The following ECE1 variants were observed in gnomAD, a reference collection of about 807,000 sequenced individuals.
ECE1 encodes endothelin converting enzyme 1.
A neutral mutation model predicts 98.6 loss-of-function variants in ECE1; 35 were observed. That is an observed-to-expected ratio of 0.35 (90% confidence interval 0.27 to 0.47). ECE1 has a LOEUF of 0.47. Ranked by LOEUF, ECE1 falls within the 20% of genes least tolerant of loss-of-function variation. The pLI is 1.00. For missense variants in ECE1, 814 were observed against 1,025.3 expected, an observed-to-expected ratio of 0.79 and a Z score of 2.81; for synonymous variants, 394 against 407.1, an observed-to-expected ratio of 0.97 and a Z score of 0.39.
intron 2 of ECE1, among the ~76,000 whole-genome samples, chr1:21,288,898 A>T (rs1569667189): frequency 1.6e-5 from 2 of 127,656 alleles, no homozygotes. Context: ...TACAGGTCTC[A>T]GGGGTGTTCC....
intron 13 of ECE1, among the ~76,000 whole-genome samples, chr1:21,234,572 G>C (rs2098185793): frequency 6.6e-6 from 1 of 151,836 alleles, no homozygotes; most frequent in African/African-American, 2.4e-5. Flanking sequence ...TTGTCTTCTT[G>C]AGCATAAGTG....
At chr1:21,297,536 T>TC (rs1638391170) in intron 1 of ECE1, among the ~76,000 whole-genome samples, 1 of 146,260 alleles carries the variant, frequency 6.8e-6, no homozygotes, top group Admixed American at 6.7e-5. Context: ...TTTTCTTTTT[T>TC]TTTTTTTTTT....
intron 2 of ECE1, among the ~76,000 whole-genome samples, chr1:21,287,036 G>A (rs1391192857): frequency 6.6e-6 from 1 of 152,114 alleles, no homozygotes; most frequent in Admixed American, 6.5e-5. Context: ...AAATAAATGT[G>A]GCAAGTAATA....
intron 1 of ECE1, among the ~76,000 whole-genome samples, chr1:21,336,335 C>T (rs1639304560): frequency 6.6e-6 from 1 of 152,106 alleles, no homozygotes; most frequent in Non-Finnish European, 1.5e-5. Flanking sequence ...GAGCTGTGTT[C>T]ATGCCACTGT....
At chr1:21,289,375 G>GTCCC (rs1471686641) in intron 2 of ECE1, among the ~76,000 whole-genome samples, 1 of 152,180 alleles carries the variant, frequency 6.6e-6, no homozygotes, top group Admixed American at 6.5e-5. Flanking sequence ...AGGGACGGGA[G>GTCCC]GGCAGAAAGC....
At position 21,285,905 on chromosome 1, in the gene ECE1, T is replaced by C. The variant is rs146143961; in HGVS notation, c.138+4165A>G. ...TACTGGGGAGGCTGAGGTGGGAGAA[T>C]TGCTTGAACCCAGGAGGTGGAGGTT... On this transcript the variant is annotated intron_variant, in intron 2 of 18. Transcript: ENST00000374893. Among the ~76,000 whole-genome samples the C allele has an allele frequency of 5.7e-3, 854 of 151,068 alleles. 11 individuals are homozygous for C. The highest frequency in any genetic ancestry group is 0.019 in the African/African-American group (782 of 41,130).
At chr1:21,297,690 C>T (rs1329604339) in intron 1 of ECE1, among the ~76,000 whole-genome samples, 1 of 150,488 alleles carries the variant, frequency 6.6e-6, no homozygotes, top group Non-Finnish European at 1.5e-5. Flanking sequence ...GCGCCCGCCA[C>T]CATGCCCGGC....
rs140433036 is a variant in ECE1, at chr1:21,245,627, GC to G, written c.1164-525del. On this transcript the variant is annotated intron_variant, in intron 9 of 18. Coordinates refer to ENST00000374893, the MANE Select transcript of ECE1 (RefSeq NM_001397.3). ...CCTATCTGTAGCTGTTGCCACCGTT[GC>G]CAAGAAGTCACCTTGAGACTGTAGT... Among the ~76,000 whole-genome samples the G allele has an allele frequency of 3.4e-3, 517 of 152,316 alleles. 4 individuals carry two copies. Among genetic ancestry groups the G allele is most frequent in the Admixed American group, 8.2e-3 (126 of 15,294 alleles).
Position 21,220,791 on chromosome 1 carries a change from G to A in ECE1, c.2137-660C>T, listed in dbSNP as rs562100910. 5.3e-4 allele frequency among the ~76,000 whole-genome samples: 80 copies of A among 152,100 alleles called. No individual in the cohort carries two copies. The highest frequency in any genetic ancestry group is 1.5e-3 in the African/African-American group (61 of 41,498). On this transcript the variant is annotated intron_variant, in intron 18 of 18. Transcript: ENST00000374893. The surrounding 1 kb of genome is among the most constrained non-coding windows in gnomAD (Gnocchi z 5.0). ...AGGCCGGGTGACTGAGGGAGACTCC[G>A]GCTCCAAAAAAACAAAACCCAGAAA...
At chr1:21,245,221 A>G in intron 9 of ECE1, 118 bp from the exon 10 acceptor site, 2 of 828,030 alleles carry the variant, frequency 2.4e-6, no homozygotes, top group Non-Finnish European at 4.0e-6. Context: ...GGCCCCTTCC[A>G]GCCTGCGGGG....
chr1:21,298,797 T>C (rs971007249), intron 1 of ECE1: 3 of 456,076 alleles, frequency 6.6e-6, no homozygotes, highest in African/African-American at 6.0e-5. Flanking sequence ...ACCACCTCCT[T>C]CTAACCCACC....
At position 21,327,806 on chromosome 1, in the gene ECE1, G is replaced by A. The variant is rs1027977327; in HGVS notation, c.3+17570C>T. On this transcript the variant is annotated intron_variant, in intron 1 of 18. Coordinates refer to the ECE1 transcript ENST00000415912. The surrounding 1 kb of genome is among the most constrained non-coding windows in gnomAD (Gnocchi z 4.6). The stretch of plus-strand genomic sequence containing the variant: ...CCGCACAGCAGGAGGTGAGCTGTGG[G>A]TGGACATTACCGCCTGAGCTCTGCC... Among the ~76,000 whole-genome samples, 1 of 152,162 alleles carries A rather than the reference G, an allele frequency of 6.6e-6. No individual in the cohort carries two copies. The highest frequency in any genetic ancestry group is 1.5e-5 in the Non-Finnish European group (1 of 68,042).
upstream of ECE1, chr1:21,293,395 C>T (rs1256806593): frequency 1.3e-5 from 2 of 152,084 alleles, no homozygotes; most frequent in Non-Finnish European, 2.9e-5. Flanking sequence ...GACAGGAGAA[C>T]CCTGATGGCA....
chr1:21,220,391 G>A lies in ECE1; in HGVS notation c.2137-260C>T, dbSNP rs1427168659. The stretch of plus-strand genomic sequence containing the variant: ...GTGTACACCTATGGTCCCAGCTCCT[G>A]GGGAGGCTGAGGTGGGAGGATCACT... On this transcript the variant is annotated intron_variant, in intron 18 of 18. Coordinates refer to ENST00000374893, the MANE Select transcript of ECE1 (RefSeq NM_001397.3). This position sits in a 1 kb window ranked among gnomAD's most constrained non-coding sequence, Gnocchi z 5.0. Among the ~76,000 whole-genome samples the A allele has an allele frequency of 1.3e-5, 2 of 152,084 alleles. No individual in the cohort carries two copies. The highest frequency in any genetic ancestry group is 4.8e-5 in the African/African-American group (2 of 41,418).
At position 21,260,952 on chromosome 1, in the gene ECE1, C is replaced by A. The variant is rs2076283; in HGVS notation, c.494-560G>T. 6.6e-6 allele frequency among the ~76,000 whole-genome samples: 1 copy of A among 152,094 alleles called. No individual in the cohort carries two copies. The highest frequency in any genetic ancestry group is 1.5e-5 in the Non-Finnish European group (1 of 67,996). On this transcript the variant is annotated intron_variant, in intron 4 of 18. Coordinates refer to ENST00000374893, the MANE Select transcript of ECE1 (RefSeq NM_001397.3). The surrounding 1 kb of genome is among the most constrained non-coding windows in gnomAD (Gnocchi z 4.3). Reference sequence around the variant, plus strand: ...CACCGCCCTTGCCAACTCCAGCAAGCAGCATCTCCCTCCTGCAGTGGCTTC... The same window carrying A: ...CACCGCCCTTGCCAACTCCAGCAAGAAGCATCTCCCTCCTGCAGTGGCTTC...
intron 1 of ECE1, among the ~76,000 whole-genome samples, chr1:21,344,116 C>T (rs1336247093): frequency 2.6e-5 from 4 of 151,688 alleles, no homozygotes; most frequent in South Asian, 2.1e-4. Flanking sequence ...AGGCAACTGG[C>T]GGTGCCTAAG....
In ECE1 at chr1:21,345,459, C is replaced by T; in HGVS notation, c.-81G>A. ...CCAGCTCCGGGTTCCCTGCTCCCAG[C>T]CCAGCTGCTCGGACGGCTCGGCTGC... On this transcript the variant is annotated 5_prime_UTR_variant, in exon 1 of 19. Coordinates refer to the ECE1 transcript ENST00000415912. This position sits in a 1 kb window ranked among gnomAD's most constrained non-coding sequence, Gnocchi z 5.1. The T allele has an allele frequency of 8.2e-7, 1 of 1,212,770 alleles. No homozygotes were observed. 75.1% of individuals were successfully genotyped at this position (1,212,770 alleles called of 1,614,324 possible). A position where few individuals can be genotyped will look rare whatever the true frequency, so the allele number is the denominator to read the frequency against.
intron 8 of ECE1, among the ~76,000 whole-genome samples, chr1:21,255,209 C>T (rs2098218360): frequency 1.3e-5 from 2 of 152,182 alleles, no homozygotes; most frequent in South Asian, 2.1e-4. Context: ...TGACACTCTG[C>T]GGGAGCCCCT....
intron 10 of ECE1, 112 bp from the exon 11 acceptor site, chr1:21,238,356 G>A (rs749806018): frequency 6.9e-6 from 6 of 875,056 alleles, no homozygotes; most frequent in Non-Finnish European, 9.3e-6. Flanking sequence ...GGAAGTTCAG[G>A]GAGAGCTTTC....
Sources: gnomAD v4.1 joint callset for allele counts (sites outside exome capture counted in the v4.1 genomes callset) on GRCh38, gnomAD v4.1.1 for gene constraint, Gnocchi (gnomAD v3.1) non-coding constraint, MANE v1.5 for transcripts, NCBI Gene and HGNC (gene_info 2026-07-23, HGNC 2026-07-21) for gene names.